The following EDNRB variants were observed in gnomAD, a reference collection of about 807,000 sequenced individuals.
EDNRB encodes endothelin receptor type B, also known as Hirschsprung disease 2.
Under a neutral mutation model 46.4 loss-of-function variants are expected in EDNRB, and 18 were observed. The ratio of observed to expected loss-of-function variants is 0.39; its 90% CI spans 0.27 to 0.57. The LOEUF is 0.57. Among genes scored for constraint, EDNRB ranks in the 20% least tolerant of loss-of-function variants. The probability of loss-of-function intolerance (pLI) is 0.61; values close to 1 mark genes in which losing one functional copy is unlikely to be tolerated. For missense variants in EDNRB, 434 were observed against 537.5 expected, an observed-to-expected ratio of 0.81 and a Z score of 1.90; for synonymous variants, 213 against 204.9, an observed-to-expected ratio of 1.04 and a Z score of -0.34.
chr13:77,937,055 G>T (rs905648075), intron 1 of EDNRB, among the ~76,000 whole-genome samples: 10 of 152,166 alleles, frequency 6.6e-5, no homozygotes, highest in Non-Finnish European at 1.5e-4. Context: ...GAGTGGATTG[G>T]GTGATAAAAT....
intron 1 of EDNRB, among the ~76,000 whole-genome samples, chr13:77,930,704 AC>A (rs1880367649): frequency 6.6e-6 from 1 of 152,228 alleles, no homozygotes; most frequent in African/African-American, 2.4e-5. Flanking sequence ...AGTACATACA[AC>A]AAGCTATTTG....
At chr13:77,960,123 T>C (rs769015844) in intron 1 of EDNRB, among the ~76,000 whole-genome samples, 2 of 152,184 alleles carry the variant, frequency 1.3e-5, no homozygotes, top group Non-Finnish European at 2.9e-5. Flanking sequence ...TGCAGAATAT[T>C]ATCCAGGAGA....
intron 1 of EDNRB, among the ~76,000 whole-genome samples, chr13:77,971,251 G>A (rs1015909306): frequency 7.9e-5 from 12 of 152,186 alleles, no homozygotes; most frequent in African/African-American, 2.9e-4. Context: ...GCAAGCTTTG[G>A]TTATCTAGTT....
Position 77,918,145 on chromosome 13 carries a change from C to T in EDNRB, c.429G>A (p.Leu143=). The change falls in exon 1 of 7, where the codon TTG becomes TTA. Residue 143 remains leucine, a synonymous_variant. Transcript: ENST00000646607. This position sits in a 1 kb window ranked among gnomAD's most constrained non-coding sequence, Gnocchi z 4.5. The part of the protein sequence containing the change: ...RNGPNILIAS[L]ALGDLLHIVI... ...CGATGTGCAGCAGGTCTCCCAGAGC[C>T]AAGCTGGCGATCAAGATATTGGGAC... 1 of 1,614,180 alleles carries T rather than the reference C, an allele frequency of 6.2e-7. No homozygotes were observed. Among genetic ancestry groups the T allele is most frequent in the African/African-American group, 1.3e-5 (1 of 75,048 alleles).
At chr13:77,907,943 C>G (rs2137621337) in intron 1 of EDNRB, among the ~76,000 whole-genome samples, 1 of 136,234 alleles carries the variant, frequency 7.3e-6, no homozygotes, top group South Asian at 2.3e-4. Context: ...TCAAGCTCAA[C>G]AGAGAGATAG....
Position 77,896,507 on chromosome 13 carries a change from C to T in EDNRB, c.*1693G>A. On this transcript the variant is annotated 3_prime_UTR_variant, in exon 7 of 7. Transcript: ENST00000646607. ...TTTTGGTTTACTGTACCATCACATTCAATATTGACAGAAAACAACATTACT... is the reference window on the plus strand; with the variant it reads ...TTTTGGTTTACTGTACCATCACATTTAATATTGACAGAAAACAACATTACT... The T allele has an allele frequency of 6.3e-7, 1 of 1,580,500 alleles. No homozygotes were observed. The highest frequency in any genetic ancestry group is 8.6e-7 in the Non-Finnish European group (1 of 1,161,214).
chr13:77,966,055 A>AT (rs1244370139), intron 1 of EDNRB, among the ~76,000 whole-genome samples: 7 of 151,740 alleles, frequency 4.6e-5, no homozygotes, highest in African/African-American at 7.2e-5. Context: ...TTTGATTTTG[A>AT]TTTTTTTATT....
chr13:77,960,216 A>G (rs1016597522), intron 1 of EDNRB, among the ~76,000 whole-genome samples: 1 of 152,094 alleles, frequency 6.6e-6, no homozygotes, highest in Non-Finnish European at 1.5e-5. Flanking sequence ...GAGAAGAGCA[A>G]CTCCAAGACA....
upstream of EDNRB, among the ~76,000 whole-genome samples, chr13:77,923,727 GA>G (rs1325626568): frequency 1.3e-5 from 2 of 150,334 alleles, no homozygotes; most frequent in South Asian, 4.2e-4. Flanking sequence ...AAAGCAAAAA[GA>G]AAGAGAAACT....
chr13:77,898,717 A>C (rs773972594), intron 6 of EDNRB, among the ~76,000 whole-genome samples: 5 of 151,948 alleles, frequency 3.3e-5, no homozygotes, highest in Non-Finnish European at 5.9e-5. Context: ...CATGTGCTGG[A>C]GAATGTGAGT....
At chr13:77,954,114 T>C (rs1460746817) in intron 1 of EDNRB, among the ~76,000 whole-genome samples, 6 of 152,184 alleles carry the variant, frequency 3.9e-5, no homozygotes, top group African/African-American at 1.4e-4. Flanking sequence ...CATCCCTTTT[T>C]TCTTTTGTTT....
At chr13:77,899,781 A>G in intron 6 of EDNRB, 78 bp downstream of exon 6, 1 of 1,056,626 alleles carries the variant, frequency 9.5e-7, no homozygotes, top group Non-Finnish European at 1.5e-6. Flanking sequence ...ATCTGTCTGG[A>G]TAGATATATT....
At chr13:77,911,734 A>G (rs1879582295) in intron 1 of EDNRB, among the ~76,000 whole-genome samples, 1 of 151,988 alleles carries the variant, frequency 6.6e-6, no homozygotes, top group African/African-American at 2.4e-5. Context: ...CATTTTCACC[A>G]GAGGCCCTAC....
At position 77,897,379 on chromosome 13, in the gene EDNRB, CAA is replaced by C. The variant is rs1878686207; in HGVS notation, c.*819_*820del. The C allele has an allele frequency of 1.0e-6, 1 of 985,002 alleles. No homozygotes were observed. The highest frequency in any genetic ancestry group is 1.7e-5 in the African/African-American group (1 of 57,208). 61.0% of individuals were successfully genotyped at this position (985,002 alleles called of 1,614,324 possible). On this transcript the variant is annotated 3_prime_UTR_variant, in exon 7 of 7. Coordinates refer to ENST00000646607, the MANE Select transcript of EDNRB (RefSeq NM_001122659.3). Reference sequence around the variant, plus strand: ...TCACAGGGTATGTGAATGACAGATTCAAAAAAGTCTTTTGGGATAGCCTTTCA... The same window carrying C: ...TCACAGGGTATGTGAATGACAGATTCAAAAGTCTTTTGGGATAGCCTTTCA...
intron 1 of EDNRB, among the ~76,000 whole-genome samples, chr13:77,906,889 C>T (rs1879308794): frequency 6.6e-6 from 1 of 151,976 alleles, no homozygotes; most frequent in South Asian, 2.1e-4. Context: ...CATTTGTTTG[C>T]TCACTTAAGT....
chr13:77,950,124 T>A (rs1881048765), intron 1 of EDNRB, among the ~76,000 whole-genome samples: 1 of 152,192 alleles, frequency 6.6e-6, no homozygotes, highest in Non-Finnish European at 1.5e-5. Context: ...AACATGCAGA[T>A]CCTGCCAAGT....
At position 77,901,279 on chromosome 13, in the gene EDNRB, T is replaced by G. The variant is rs1392203956; in HGVS notation, c.802-72A>C. The G allele has an allele frequency of 2.0e-6, 3 of 1,514,696 alleles. No homozygotes were observed. The African/African-American group carries it at 4.2e-5, about 21-fold the overall frequency. The allele number at this position is 1,514,696 out of a possible 1,614,324, so 93.8% of individuals were successfully genotyped here. On this transcript the variant is annotated intron_variant, in intron 3 of 6. Coordinates refer to ENST00000646607, the MANE Select transcript of EDNRB (RefSeq NM_001122659.3). ...AATCTTATATAACAAATGTTAAACT[T>G]AAAAAAATTCATCAGGGAATGATTA...
chr13:77,912,775 A>T (rs1226101982), intron 1 of EDNRB, among the ~76,000 whole-genome samples: 1 of 152,134 alleles, frequency 6.6e-6, no homozygotes, highest in Non-Finnish European at 1.5e-5. Context: ...GCTTTACATA[A>T]ATCATACAGG....
At chr13:77,909,951 T>C (rs925947695) in intron 1 of EDNRB, among the ~76,000 whole-genome samples, 1 of 151,884 alleles carries the variant, frequency 6.6e-6, no homozygotes, top group Admixed American at 6.6e-5. Context: ...CTTGTTGGAG[T>C]TCTGCTCTTC....
Sources: gnomAD v4.1 joint callset for allele counts (sites outside exome capture counted in the v4.1 genomes callset) on GRCh38, gnomAD v4.1.1 for gene constraint, Gnocchi (gnomAD v3.1) non-coding constraint, MANE v1.5 for transcripts, NCBI Gene and HGNC (gene_info 2026-07-23, HGNC 2026-07-21) for gene names.